The following TNRC6B variants were observed in gnomAD, a reference collection of about 807,000 sequenced individuals.
TNRC6B encodes the protein trinucleotide repeat-containing gene 6B protein.
TNRC6B carries 52 observed loss-of-function variants against 203.6 expected under a neutral mutation model. The observed-to-expected ratio is 0.26, with a 90% CI of 0.20 to 0.32. The LOEUF (loss-of-function observed/expected upper bound fraction) is 0.32, where lower values mean the gene tolerates loss of function less well. Among genes scored for constraint, TNRC6B ranks in the 10% least tolerant of loss-of-function variants. The pLI is 1.00. For missense variants in TNRC6B, 1,923 were observed against 2,286.2 expected (o/e 0.84, Z 3.24); for synonymous variants, 838 against 845.7 (o/e 0.99, Z 0.16).
At chr22:40,063,930 T>C (rs1346304786) in intron 1 of TNRC6B, among the ~76,000 whole-genome samples, 1 of 152,206 alleles carries the variant, frequency 6.6e-6, no homozygotes, top group Non-Finnish European at 1.5e-5. Flanking sequence ...CTCGAACTCC[T>C]GGGCTCGAGT....
In TNRC6B at chr22:40,188,147, T is replaced by C. The variant is rs143409663; in HGVS notation, c.5+10007T>C. ...TCGCTTGAACCTGGGAGGCGGAGGT[T>C]GCAGTGAGCTGAGATCACACCATTG... is the stretch of plus-strand genomic sequence containing the variant. On this transcript the variant is annotated intron_variant, in intron 1 of 22. Transcript: ENST00000454349. 2.5e-3 allele frequency among the ~76,000 whole-genome samples: 383 copies of C among 152,176 alleles called. 14 individuals carry two copies. The East Asian group carries it at 0.056, about 22-fold the overall frequency.
intron 1 of TNRC6B, among the ~76,000 whole-genome samples, chr22:40,244,145 C>A (rs544097218): frequency 5.0e-4 from 76 of 152,290 alleles, no homozygotes; most frequent in Admixed American, 3.0e-3. Flanking sequence ...CCAAATATAA[C>A]AGGATCTGTG....
At chr22:40,251,135 A>G (rs1286137229) in intron 2 of TNRC6B, 44 bp from the exon 3 acceptor site, 1 of 1,510,360 alleles carries the variant, frequency 6.6e-7, no homozygotes, top group South Asian at 1.2e-5. Context: ...ACAGTACTGA[A>G]TTAAAAAGCA....
chr22:40,154,840 CAAAAAAAAA>C (rs57206167), intron 3 of TNRC6B, among the ~76,000 whole-genome samples: 136 of 29,234 alleles, frequency 4.7e-3, no homozygotes, highest in African/African-American at 7.6e-3. Context: ...GACTCTATCT[CAAAAAAAAA>C]AAAAAAAAAA....
intron 2 of TNRC6B, among the ~76,000 whole-genome samples, chr22:40,249,545 C>A (rs573447912): frequency 2.0e-5 from 3 of 152,174 alleles, no homozygotes; most frequent in African/African-American, 7.2e-5. Context: ...AGAACACATG[C>A]TTTGATCATC....
At chr22:40,316,296 G>T (rs1044459711) in intron 21 of TNRC6B, among the ~76,000 whole-genome samples, 3 of 151,754 alleles carry the variant, frequency 2.0e-5, no homozygotes, top group African/African-American at 7.3e-5. Flanking sequence ...GGAGCTTGCA[G>T]TGAGCCAAGA....
chr22:40,177,883 T>C (rs1569009159), upstream of TNRC6B: 1 of 1,320,410 alleles, frequency 7.6e-7, no homozygotes. Context: ...CGAAGTCACA[T>C]GATCTGCCTC....
At chr22:40,107,521 A>G (rs2068296463) in intron 1 of TNRC6B, among the ~76,000 whole-genome samples, 1 of 152,208 alleles carries the variant, frequency 6.6e-6, no homozygotes, top group Non-Finnish European at 1.5e-5. Context: ...AAAAATAAAA[A>G]AAGACTGAAA....
chr22:40,299,144 C>CAAAAAAAAA (rs1252985941), intron 12 of TNRC6B, among the ~76,000 whole-genome samples: 1 of 43,944 alleles, frequency 2.3e-5, no homozygotes, highest in East Asian at 6.5e-4. Context: ...GACCCTGTCT[C>CAAAAAAAAA]AAAAAAAAAA....
rs2071394615 is a variant in TNRC6B at position 40,325,803 on chromosome 22, G to A, written c.*2562G>A. The A allele has an allele frequency of 6.5e-6, 1 of 152,754 alleles. No homozygotes were observed. Among genetic ancestry groups the A allele is most frequent in the Non-Finnish European group, 1.5e-5 (1 of 68,138 alleles). 9.5% of individuals were successfully genotyped at this position (152,754 alleles called of 1,614,324 possible). On this transcript the variant is annotated 3_prime_UTR_variant, in exon 23 of 23. Transcript: ENST00000454349. ...GGCGACCCTGTCCACTGCCGCTCTT[G>A]GTTCACTGCTGTGTCCTGCCCCACC...
chr22:40,133,390 G>T (rs951243969), intron 3 of TNRC6B, among the ~76,000 whole-genome samples: 1 of 152,042 alleles, frequency 6.6e-6, no homozygotes, highest in Non-Finnish European at 1.5e-5. Context: ...TGCTGATGTC[G>T]TAGGTACAGG....
At chr22:40,214,340 G>T (rs1379684005) in intron 1 of TNRC6B, among the ~76,000 whole-genome samples, 2 of 152,000 alleles carry the variant, frequency 1.3e-5, no homozygotes, top group Admixed American at 1.3e-4. Context: ...CTCTTGACTG[G>T]GGTGTTGGTT....
intron 1 of TNRC6B, among the ~76,000 whole-genome samples, chr22:40,216,768 A>G (rs1275047867): frequency 6.6e-6 from 1 of 152,222 alleles, no homozygotes; most frequent in Non-Finnish European, 1.5e-5. Flanking sequence ...TAAACTGGAA[A>G]TAATGTATGT....
chr22:40,139,204 C>T (rs1000305761), intron 3 of TNRC6B, among the ~76,000 whole-genome samples: 3 of 152,096 alleles, frequency 2.0e-5, no homozygotes, highest in Non-Finnish European at 2.9e-5. Context: ...TGTTTTCCTT[C>T]TGTGTGATGT....
chr22:40,153,388 T>G (rs1209051262), intron 3 of TNRC6B, among the ~76,000 whole-genome samples: 2 of 152,036 alleles, frequency 1.3e-5, no homozygotes, highest in Non-Finnish European at 2.9e-5. Context: ...TAGAAAGCAA[T>G]CAATCCAGTT....
Position 40,326,016 on chromosome 22 carries a change from A to AG in TNRC6B, c.*2775_*2776insG, listed in dbSNP as rs1418319214. ...CCATCATAAGCTTAAAGGGAAAAAA[A>AG]CTAAAAACTTTAAAAAAAAAAGACC... On this transcript the variant is annotated 3_prime_UTR_variant, in exon 23 of 23. Coordinates refer to ENST00000454349, the MANE Select transcript of TNRC6B (RefSeq NM_001162501.2). 2 of 152,532 alleles carry AG rather than the reference A, an allele frequency of 1.3e-5. No homozygotes were observed. The highest frequency in any genetic ancestry group is 4.8e-5 in the African/African-American group (2 of 41,424). The allele number at this position is 152,532 out of a possible 1,614,324, so 9.4% of individuals were successfully genotyped here.
chr22:40,059,921 C>G (rs2067834976), intron 1 of TNRC6B, among the ~76,000 whole-genome samples: 2 of 149,098 alleles, frequency 1.3e-5, no homozygotes, highest in Admixed American at 1.4e-4. Flanking sequence ...CTCCCAGGTT[C>G]AAGCGATTCT....
intron 3 of TNRC6B, among the ~76,000 whole-genome samples, chr22:40,134,368 A>G (rs183223624): frequency 2.7e-4 from 41 of 152,340 alleles, no homozygotes; most frequent in Non-Finnish European, 4.1e-4. Context: ...AAATTCCACT[A>G]GCGGAATGTT....
chr22:40,277,978 C>T lies in TNRC6B; in HGVS notation c.3217-21C>T, dbSNP rs761358386. ...AAGATGTGCATCCTTAATTCTCTCT[C>T]ATCTGTTCTTTATTTTCCAGAGTCA... On this transcript the variant is annotated intron_variant, in intron 8 of 22. Transcript: ENST00000454349. The T allele has an allele frequency of 3.9e-6, 6 of 1,538,726 alleles. No homozygotes were observed. The South Asian group carries it at 5.9e-5, about 15-fold the overall frequency.
Sources: gnomAD v4.1 joint callset for allele counts (sites outside exome capture counted in the v4.1 genomes callset) on GRCh38, gnomAD v4.1.1 for gene constraint, MANE v1.5 for transcripts, NCBI Gene and HGNC (gene_info 2026-07-23, HGNC 2026-07-21) for gene names.